SLC49A4: variants seen among roughly 807,000 people sequenced by gnomAD.
SLC49A4 encodes disrupted in renal cancer protein 2.
Under a neutral mutation model 50.6 loss-of-function variants are expected in SLC49A4, and 36 were observed. That is an observed-to-expected ratio of 0.71 (90% CI 0.55 to 0.94). SLC49A4 has a LOEUF of 0.94. Ranked by LOEUF, SLC49A4 falls within the 40% of genes least tolerant of loss-of-function variation. SLC49A4 has a pLI of 0.00. For missense variants in SLC49A4, 503 were observed against 605.7 expected (o/e 0.83, Z 1.78); for synonymous variants, 248 against 241.2 (o/e 1.03, Z -0.26).
chr3:122,809,833 T>C (rs532026358), intron 2 of SLC49A4, among the ~76,000 whole-genome samples: 1 of 152,346 alleles, frequency 6.6e-6, no homozygotes, highest in African/African-American at 2.4e-5. Flanking sequence ...TTCAATCTTA[T>C]ACATTCATCT....
chr3:122,833,513 A>C (rs1936636284), intron 4 of SLC49A4, 67 bp downstream of exon 4: 1 of 1,445,814 alleles, frequency 6.9e-7, no homozygotes, highest in African/African-American at 1.4e-5. Context: ...GATTTTTAAA[A>C]AATAATTTAA....
intron 4 of SLC49A4, among the ~76,000 whole-genome samples, chr3:122,834,869 G>GTT (rs1272848588): frequency 6.6e-6 from 1 of 151,994 alleles, no homozygotes; most frequent in African/African-American, 2.4e-5. Context: ...AAATGGAGAC[G>GTT]TTACAGTCAA....
intron 1 of SLC49A4, 151 bp from the exon 2 acceptor site, chr3:122,806,705 GT>G: frequency 1.8e-6 from 1 of 566,658 alleles, no homozygotes; most frequent in Non-Finnish European, 3.1e-6. Context: ...TGTAGGGTTC[GT>G]TGTTTTTTTT....
At chr3:122,809,015 T>C (rs1381513668) in intron 2 of SLC49A4, among the ~76,000 whole-genome samples, 2 of 152,026 alleles carry the variant, frequency 1.3e-5, no homozygotes, top group Non-Finnish European at 2.9e-5. Flanking sequence ...GGAGGTGATA[T>C]GCTGGAAGTT....
intron 1 of SLC49A4, among the ~76,000 whole-genome samples, chr3:122,798,607 T>C (rs915829479): frequency 2.0e-5 from 3 of 151,718 alleles, no homozygotes; most frequent in African/African-American, 7.3e-5. Flanking sequence ...TCTTTCTTGC[T>C]TCTGGCATCC....
At chr3:122,824,730 CTTTTTT>C (rs71621693) in intron 2 of SLC49A4, among the ~76,000 whole-genome samples, 1 of 82,918 alleles carries the variant, frequency 1.2e-5, no homozygotes, top group African/African-American at 4.5e-5. Flanking sequence ...TTTTTTCCTT[CTTTTTT>C]TTTTTTTTTT....
At chr3:122,869,587 G>T (rs990655319) in intron 7 of SLC49A4, among the ~76,000 whole-genome samples, 2 of 151,988 alleles carry the variant, frequency 1.3e-5, no homozygotes. Context: ...CCTAGGCATG[G>T]AATTGCTAGG....
chr3:122,852,682 T>G (rs1936940856), intron 5 of SLC49A4, among the ~76,000 whole-genome samples: 1 of 152,184 alleles, frequency 6.6e-6, no homozygotes, highest in Non-Finnish European at 1.5e-5. Flanking sequence ...CTCCTGCTCT[T>G]AGGTACAGCC....
rs561725499 is a variant in SLC49A4 at position 122,844,812 on chromosome 3, AAT to A, written c.834-950_834-949del. Reference sequence around the variant, plus strand: ...AAAAAAAAAAATTTCAAGAAGCTTGAATTTATTAACTGACAGATTTTTTTCTT... The same window carrying A: ...AAAAAAAAAAATTTCAAGAAGCTTGATTATTAACTGACAGATTTTTTTCTT... On this transcript the variant is annotated intron_variant, in intron 4 of 8. Coordinates refer to ENST00000261038, the MANE Select transcript of SLC49A4 (RefSeq NM_032839.3). Among the ~76,000 whole-genome samples the A allele has an allele frequency of 3.4e-4, 51 of 152,134 alleles. No homozygotes were observed. In the South Asian group the frequency reaches 1.0e-2, roughly 30 times the overall value.
chr3:122,804,486 T>C (rs546112225), intron 1 of SLC49A4, among the ~76,000 whole-genome samples: 146 of 152,348 alleles, frequency 9.6e-4, no homozygotes, highest in Non-Finnish European at 2.0e-3. Context: ...CTGATATCTT[T>C]TTGATTACAT....
chr3:122,849,718 T>A, intron 5 of SLC49A4, among the ~76,000 whole-genome samples: 1 of 152,108 alleles, frequency 6.6e-6, no homozygotes, highest in East Asian at 1.9e-4. Flanking sequence ...TATAGATAGA[T>A]AGTGGTTCTT....
At chr3:122,862,908 A>G (rs1406860702) in intron 7 of SLC49A4, among the ~76,000 whole-genome samples, 1 of 152,154 alleles carries the variant, frequency 6.6e-6, no homozygotes, top group Non-Finnish European at 1.5e-5. Context: ...GGAAAAATGC[A>G]TTTGAAAATT....
chr3:122,811,169 C>T (rs1478163318), intron 2 of SLC49A4, among the ~76,000 whole-genome samples: 1 of 152,034 alleles, frequency 6.6e-6, no homozygotes, highest in Non-Finnish European at 1.5e-5. Flanking sequence ...AACCGTAAGA[C>T]AAATGAGTAA....
At chr3:122,802,288 A>G (rs917321524) in intron 1 of SLC49A4, among the ~76,000 whole-genome samples, 1 of 152,222 alleles carries the variant, frequency 6.6e-6, no homozygotes, top group East Asian at 1.9e-4. Flanking sequence ...ATTTCCAGGC[A>G]GGAGTACAGA....
intron 2 of SLC49A4, among the ~76,000 whole-genome samples, chr3:122,822,056 G>A (rs931517511): frequency 3.9e-5 from 6 of 152,114 alleles, no homozygotes; most frequent in East Asian, 1.9e-4. Context: ...TAGCGCTATG[G>A]GAGTGAGGCC....
intron 7 of SLC49A4, among the ~76,000 whole-genome samples, chr3:122,868,346 A>G (rs904486306): frequency 6.6e-6 from 1 of 152,222 alleles, no homozygotes; most frequent in Non-Finnish European, 1.5e-5. Context: ...AAAAAACTGC[A>G]TCAGCACTTC....
At chr3:122,871,887 T>TA (rs561939056) in intron 7 of SLC49A4, among the ~76,000 whole-genome samples, 171 of 152,098 alleles carry the variant, frequency 1.1e-3, no homozygotes, top group African/African-American at 3.9e-3. Flanking sequence ...GTTACTTATT[T>TA]AAAAAAAATG....
At chr3:122,860,271 G>A in intron 7 of SLC49A4, 69 bp downstream of exon 7, 1 of 1,359,214 alleles carries the variant, frequency 7.4e-7, no homozygotes. Flanking sequence ...AACTCTGACA[G>A]TAGGACTTCT....
chr3:122,823,338 C>A (rs1337412527), intron 2 of SLC49A4, among the ~76,000 whole-genome samples: 1 of 152,202 alleles, frequency 6.6e-6, no homozygotes, highest in Non-Finnish European at 1.5e-5. Context: ...TATGCAAAGC[C>A]CTGATATATA....
Sources: gnomAD v4.1 joint callset for allele counts (sites outside exome capture counted in the v4.1 genomes callset) on GRCh38, gnomAD v4.1.1 for gene constraint, MANE v1.5 for transcripts, NCBI Gene and HGNC (gene_info 2026-07-23, HGNC 2026-07-21) for gene names.